The following CD99L2 variants were observed in gnomAD, a reference collection of about 807,000 sequenced individuals.
CD99L2 encodes the protein CD99 molecule like 2.
In CD99L2, 24 loss-of-function variants were observed where a neutral mutation model predicts 27.3. The observed-to-expected ratio is 0.88, with a 90% CI of 0.64 to 1.24. The LOEUF is 1.24. CD99L2 is among the 50% of genes most tolerant of loss of function. CD99L2 has a pLI of 0.00. For missense variants in CD99L2, 255 were observed against 221.6 expected (o/e 1.15, Z -0.96); for synonymous variants, 97 against 87.9 (o/e 1.10, Z -0.58).
chrX:150,861,409 C>T (rs903995539), intron 1 of CD99L2, among the ~76,000 whole-genome samples: 6 of 111,501 alleles, frequency 5.4e-5, no homozygotes, highest in Admixed American at 1.9e-4. Context: ...GGTGTAAAAA[C>T]AGACACGTAG....
chrX:150,896,817 T>A (rs1281739313), intron 1 of CD99L2, among the ~76,000 whole-genome samples: 1 of 112,595 alleles, frequency 8.9e-6, no homozygotes, highest in Non-Finnish European at 1.9e-5. Flanking sequence ...AAGCCTTGCA[T>A]CAAATCATAA....
At chrX:150,794,493 AC>A (rs1557419831) in intron 6 of CD99L2, among the ~76,000 whole-genome samples, 4 of 112,415 alleles carry the variant, frequency 3.6e-5, no homozygotes, top group Non-Finnish European at 7.5e-5. Context: ...GGAAACTGAC[AC>A]AAGGAAGCAG....
At chrX:150,860,065 A>T (rs1481355475) in intron 1 of CD99L2, among the ~76,000 whole-genome samples, 1 of 111,562 alleles carries the variant, frequency 9.0e-6, no homozygotes, top group Non-Finnish European at 1.9e-5. Flanking sequence ...ATGAACAAAG[A>T]TACAAAATCC....
intron 4 of CD99L2, among the ~76,000 whole-genome samples, chrX:150,800,422 AT>A (rs1393664599): frequency 8.9e-6 from 1 of 112,295 alleles, no homozygotes; most frequent in Non-Finnish European, 1.9e-5. Flanking sequence ...AAAACAAAAA[AT>A]AATACAACTA....
chrX:150,836,968 C>A (rs972578605), intron 1 of CD99L2, among the ~76,000 whole-genome samples: 1 of 112,049 alleles, frequency 8.9e-6, no homozygotes, highest in East Asian at 2.8e-4. Flanking sequence ...CCATGTGGCA[C>A]GTGACTATAA....
intron 1 of CD99L2, among the ~76,000 whole-genome samples, chrX:150,869,015 G>A (rs782783900): frequency 3.7e-4 from 42 of 112,375 alleles, no homozygotes; most frequent in Non-Finnish European, 6.0e-4. Flanking sequence ...TCATGGTCAA[G>A]GCAAGTGAAT....
At chrX:150,804,503 T>G (rs2045964709) in intron 4 of CD99L2, among the ~76,000 whole-genome samples, 1 of 111,534 alleles carries the variant, frequency 9.0e-6, no homozygotes, top group Admixed American at 9.5e-5. Context: ...TCCCAGCACT[T>G]TGGGAGACCA....
At chrX:150,793,558 A>G in intron 7 of CD99L2, 133 bp downstream of exon 7, 2 of 502,529 alleles carry the variant, frequency 4.0e-6, no homozygotes, top group Non-Finnish European at 6.5e-6. Flanking sequence ...ATCATTCCAA[A>G]TGAACCCCAA....
chrX:150,805,962 T>C (rs1021853844), intron 4 of CD99L2, among the ~76,000 whole-genome samples: 8 of 111,695 alleles, frequency 7.2e-5, no homozygotes, highest in Admixed American at 3.8e-4. Context: ...GAAATAGTTC[T>C]GTCTAGACTG....
chrX:150,798,020 C>T (rs782768576), intron 4 of CD99L2, among the ~76,000 whole-genome samples: 22 of 92,911 alleles, frequency 2.4e-4, no homozygotes, highest in East Asian at 9.9e-4. Context: ...CCAGCATAGG[C>T]GACAGAATGA....
chrX:150,792,462 TG>T (rs1268560090), intron 7 of CD99L2, among the ~76,000 whole-genome samples: 1 of 112,402 alleles, frequency 8.9e-6, no homozygotes, highest in Non-Finnish European at 1.9e-5. Flanking sequence ...AGAGGCTTTT[TG>T]TGCTTTTTAG....
chrX:150,827,362 T>C (rs782336969), intron 2 of CD99L2, among the ~76,000 whole-genome samples: 6 of 111,097 alleles, frequency 5.4e-5, no homozygotes, highest in Non-Finnish European at 1.1e-4. Context: ...TTCAAACACA[T>C]ACATCACATA....
intron 2 of CD99L2, chrX:150,818,849 C>T (rs2046204119): frequency 1.1e-5 from 4 of 373,705 alleles, no homozygotes; most frequent in Non-Finnish European, 2.1e-5. Context: ...CCAAAGACAG[C>T]AGGAAACTTT....
At chrX:150,784,018 G>A (rs1285035276) in intron 7 of CD99L2, among the ~76,000 whole-genome samples, 2 of 111,724 alleles carry the variant, frequency 1.8e-5, no homozygotes, top group African/African-American at 3.2e-5. Flanking sequence ...AAGGTCTGCA[G>A]ATAACGAAGG....
At chrX:150,881,399 G>A (rs1205718890) in intron 1 of CD99L2, among the ~76,000 whole-genome samples, 1 of 111,916 alleles carries the variant, frequency 8.9e-6, no homozygotes, top group Non-Finnish European at 1.9e-5. Flanking sequence ...GGTCATCGCA[G>A]AGATTGTAGC....
intron 1 of CD99L2, among the ~76,000 whole-genome samples, chrX:150,840,819 G>A (rs1419869620): frequency 9.1e-6 from 1 of 110,315 alleles, no homozygotes; most frequent in South Asian, 3.8e-4. Context: ...GATTCTGATG[G>A]TTGCATTGTA....
chrX:150,838,455 C>A (rs1230443704), intron 1 of CD99L2, among the ~76,000 whole-genome samples: 1 of 111,474 alleles, frequency 9.0e-6, no homozygotes, highest in Non-Finnish European at 1.9e-5. Flanking sequence ...GGATATGAAG[C>A]ATATGGGAAC....
At chrX:150,835,094 G>A (rs1441141955) in intron 1 of CD99L2, among the ~76,000 whole-genome samples, 1 of 111,785 alleles carries the variant, frequency 8.9e-6, no homozygotes, top group Non-Finnish European at 1.9e-5. Flanking sequence ...GGAGGGAGAA[G>A]TATGGGGAAA....
At chrX:150,840,081 C>T (rs1009106817) in intron 1 of CD99L2, among the ~76,000 whole-genome samples, 32 of 109,198 alleles carry the variant, frequency 2.9e-4, no homozygotes, top group African/African-American at 9.3e-4. Flanking sequence ...CATGCTTGTA[C>T]GCCCAGCTAC....
Sources: gnomAD v4.1 joint callset for allele counts (sites outside exome capture counted in the v4.1 genomes callset) on GRCh38, gnomAD v4.1.1 for gene constraint, MANE v1.5 for transcripts, NCBI Gene and HGNC (gene_info 2026-07-23, HGNC 2026-07-21) for gene names.